TTC21A: variants seen among roughly 807,000 people sequenced by gnomAD.
TTC21A encodes tetratricopeptide repeat protein 21A.
TTC21A carries 128 observed loss-of-function variants against 156.4 expected under a neutral mutation model. That is an observed-to-expected ratio of 0.82 (90% CI 0.71 to 0.95). The LOEUF (loss-of-function observed/expected upper bound fraction) is 0.95, where lower values mean the gene tolerates loss of function less well. Ranked by LOEUF, TTC21A falls within the 40% of genes least tolerant of loss-of-function variation. The pLI, the probability that TTC21A is intolerant of heterozygous loss-of-function variation, is 0.00. For missense variants in TTC21A, 1,435 were observed against 1,602.3 expected (o/e 0.90, Z 1.78); for synonymous variants, 587 against 617.1 (o/e 0.95, Z 0.72).
At position 39,117,414 on chromosome 3, in the gene TTC21A, T is replaced by C. The variant is rs889644633; in HGVS notation, c.717-655T>C. ...GGGAAAGAATCTTTCTATAAAGAAA[T>C]AGAATATTGAAAACCTCATAGTATG... On this transcript the variant is annotated intron_variant, in intron 6 of 28. Transcript: ENST00000683103. Among the ~76,000 whole-genome samples, 3 of 152,278 alleles carry C rather than the reference T, an allele frequency of 2.0e-5. No homozygotes were observed. In the Middle Eastern group the frequency reaches 0.01, roughly 518 times the overall value.
intron 26 of TTC21A, 182 bp downstream of exon 26, chr3:39,137,892 C>T (rs1264047034): frequency 1.6e-5 from 11 of 685,688 alleles, no homozygotes; most frequent in Non-Finnish European, 2.7e-5. Context: ...GGGCGATGGA[C>T]CAGGTGAGAG....
At position 39,138,737 on chromosome 3, in the gene TTC21A, CA is replaced by C. The variant is rs1291612024; in HGVS notation, c.3893del (p.Lys1298ArgfsTer14). The C allele has an allele frequency of 6.2e-7, 1 of 1,614,014 alleles. No homozygotes were observed. Among genetic ancestry groups the C allele is most frequent in the Non-Finnish European group, 8.5e-7 (1 of 1,180,010 alleles). ...TCCTCAGGGAGCACCCCGACTACCC[CA>C]AGATCAGGGAGGAAATTTTGGAAAA... ...DVLREHPDYP[K>X]IREEILEKAR... On this transcript the variant is annotated frameshift_variant, in exon 29 of 29. Coordinates refer to ENST00000683103, the MANE Select transcript of TTC21A (RefSeq NM_001366900.1). LOFTEE classifies it high-confidence loss of function.
Position 39,134,310 on chromosome 3 carries a change from C to T in TTC21A, c.2844C>T (p.Asn948=), listed in dbSNP as rs201576726. 5.0e-6 allele frequency: 8 copies of T among 1,613,454 alleles called. No homozygotes were observed. In the Admixed American group the frequency reaches 1.2e-4, roughly 24 times the overall value. Residue 948 remains asparagine (N), a synonymous_variant, in exon 21 of 29, where the codon AAC becomes AAT. Coordinates refer to ENST00000683103, the MANE Select transcript of TTC21A (RefSeq NM_001366900.1). The surrounding 1 kb of genome is among the most constrained non-coding windows in gnomAD (Gnocchi z 4.6). ...HCAILLQTEQ[N]HETASVLMAD... is the part of the protein sequence containing the mutation. ...CCATCCTCCTGCAGACTGAGCAGAACCATGAGACCGCTTCTGTGGTAGGAA... is the reference window on the plus strand; with the variant it reads ...CCATCCTCCTGCAGACTGAGCAGAATCATGAGACCGCTTCTGTGGTAGGAA...
chr3:39,109,174 T>A lies in TTC21A; in HGVS notation c.117T>A (p.Pro39=). 1.9e-6 allele frequency: 3 copies of A among 1,614,164 alleles called. No homozygotes were observed. Among genetic ancestry groups the A allele is most frequent in the Non-Finnish European group, 2.5e-6 (3 of 1,179,984 alleles). Reference sequence around the variant, plus strand: ...GCCTGGAAAAATTCAGCAATGACCCTGTGTTGAAGTTCTTTAAAGCCTATG... The same window carrying A: ...GCCTGGAAAAATTCAGCAATGACCCAGTGTTGAAGTTCTTTAAAGCCTATG... ...AVGLEKFSND[P]VLKFFKAYGV... The change falls in exon 2 of 29, where the codon CCT becomes CCA. Residue 39 remains proline (P), a synonymous_variant. Coordinates refer to ENST00000683103, the MANE Select transcript of TTC21A (RefSeq NM_001366900.1).
At chr3:39,117,754 C>T (rs942538205) in intron 6 of TTC21A, among the ~76,000 whole-genome samples, 3 of 152,106 alleles carry the variant, frequency 2.0e-5, no homozygotes, top group Admixed American at 1.3e-4. Flanking sequence ...CTCACATGGT[C>T]CACATTCCAT....
At chr3:39,129,647 A>T (rs1293724335) in intron 15 of TTC21A, among the ~76,000 whole-genome samples, 1 of 152,182 alleles carries the variant, frequency 6.6e-6, no homozygotes, top group East Asian at 1.9e-4. Context: ...TGGGACCTCC[A>T]AGGTGCCTTC....
chr3:39,121,302 T>G, intron 9 of TTC21A, 113 bp downstream of exon 9: 1 of 935,362 alleles, frequency 1.1e-6, no homozygotes, highest in Non-Finnish European at 1.6e-6. Context: ...GGTATGTGAA[T>G]TTTGGGGTAC....
chr3:39,118,937 G>A (rs2037512230), intron 7 of TTC21A: 1 of 152,220 alleles, frequency 6.6e-6, no homozygotes, highest in South Asian at 2.1e-4. Flanking sequence ...GGGTGAGGTA[G>A]AGGGGAGAGT....
chr3:39,128,279 T>A, intron 12 of TTC21A, 52 bp from the exon 13 acceptor site: 3 of 1,589,466 alleles, frequency 1.9e-6, no homozygotes, highest in Non-Finnish European at 2.6e-6. Context: ...GCATATCAGG[T>A]CTTAGGAGCC....
In TTC21A at chr3:39,119,958, G is replaced by A; in HGVS notation, c.838G>A (p.Glu280Lys). Residue 280 changes from glutamate to lysine, a missense_variant, in exon 8 of 29, where the codon GAG (glutamate) becomes AAG (lysine). Physicochemically the swap from Glu to Lys is moderately conservative, Grantham distance 56. Coordinates refer to ENST00000683103, the MANE Select transcript of TTC21A (RefSeq NM_001366900.1). Reference protein sequence around the residue: ...NHVRNLIKALETREPENPSLH... With the variant: ...NHVRNLIKALKTREPENPSLH... Reference sequence around the variant, plus strand: ...CGTTAGAAATCTGATTAAGGCACTAGAGACAAGGGAACCCGAAAATCCAAG... The same window carrying A: ...CGTTAGAAATCTGATTAAGGCACTAAAGACAAGGGAACCCGAAAATCCAAG... The A allele has an allele frequency of 1.2e-6, 2 of 1,610,148 alleles. No homozygotes were observed. The highest frequency in any genetic ancestry group is 1.7e-6 in the Non-Finnish European group (2 of 1,176,892).
At position 39,110,099 on chromosome 3, in the gene TTC21A, C is replaced by G. The variant is rs1285409274; in HGVS notation, c.228C>G (p.Thr76=). The part of the protein sequence containing the change: ...RHHPDVSLCS[T]MALIYAHKRC... The stretch of plus-strand genomic sequence containing the variant: ...ACCCAGACGTGTCCCTGTGCTCCAC[C>G]ATGGCCCTCATTTATGCTCACAAAA... The change falls in exon 3 of 29, where the codon ACC becomes ACG. Residue 76 remains threonine, a synonymous_variant. Transcript: ENST00000683103. The G allele has an allele frequency of 1.2e-6, 2 of 1,614,142 alleles. No individual in the cohort carries two copies. The highest frequency in any genetic ancestry group is 3.3e-5 in the Admixed American group (2 of 60,026).
At chr3:39,122,095 G>A (rs2037815890) in intron 9 of TTC21A, among the ~76,000 whole-genome samples, 1 of 152,178 alleles carries the variant, frequency 6.6e-6, no homozygotes, top group Non-Finnish European at 1.5e-5. Flanking sequence ...GGTCATTTGA[G>A]GTCAGGAATT....
chr3:39,108,181 C>T (rs2036408255), intron 1 of TTC21A: 1 of 555,038 alleles, frequency 1.8e-6, no homozygotes, highest in Non-Finnish European at 3.2e-6. Context: ...CAGTTGATGG[C>T]TTCACCATTT....
At chr3:39,126,426 G>A (rs1257101355) in intron 12 of TTC21A, 36 bp downstream of exon 12, 1 of 1,605,176 alleles carries the variant, frequency 6.2e-7, no homozygotes. Flanking sequence ...GTGGGGCCTT[G>A]CAAACACCTG....
intron 5 of TTC21A, among the ~76,000 whole-genome samples, chr3:39,114,242 A>G (rs1202928940): frequency 1.3e-5 from 2 of 152,242 alleles, no homozygotes; most frequent in Non-Finnish European, 2.9e-5. Flanking sequence ...TGGAAAATGT[A>G]TGGAACTGGA....
In TTC21A at chr3:39,138,604, C is replaced by G. The variant is rs2039318052; in HGVS notation, c.3845C>G (p.Ala1282Gly). Residue 1282 changes from alanine to glycine, a missense_variant, in exon 28 of 29, where the codon GCC becomes GGC. Ala to Gly is a moderately conservative substitution (Grantham distance 60). Transcript: ENST00000683103. ...NYLKDKKFVE[A>G]IEICNDVLRE... ...CTGAAGGACAAGAAATTTGTGGAGG[C>G]CATTGAAATCTGCAACGATGTAAGC... The G allele has an allele frequency of 3.7e-6, 6 of 1,614,064 alleles. No homozygotes were observed. The highest frequency in any genetic ancestry group is 5.1e-6 in the Non-Finnish European group (6 of 1,180,032).
In TTC21A at chr3:39,137,501, G is replaced by A. The variant is rs2039220759; in HGVS notation, c.3466G>A (p.Ala1156Thr). The A allele has an allele frequency of 7.4e-6, 12 of 1,614,248 alleles. No homozygotes were observed. In the East Asian group the frequency reaches 2.7e-4, roughly 36 times the overall value. ...IAQAEKDSVPALLALAQAYVF... is the reference protein window; with the variant it reads ...IAQAEKDSVPTLLALAQAYVF... ...TGGTGTGTAGAAGGACAGCGTCCCT[G>A]CCCTGCTGGCCTTGGCACAAGCCTA... Residue 1156 changes from alanine to threonine, a missense_variant, in exon 26 of 29, where the codon GCC (alanine) becomes ACC (threonine). By Grantham distance (58) the Ala-to-Thr change is moderately conservative. Transcript: ENST00000683103.
At position 39,110,152 on chromosome 3, in the gene TTC21A, A is replaced by G; in HGVS notation, c.268+13A>G. ...TGTGAAATCATTGGTGAGTGCCACC[A>G]TGCTCAACCAGGCCTGACCCACCAG... is the stretch of plus-strand genomic sequence containing the variant. On this transcript the variant is annotated intron_variant, in intron 3 of 28. Coordinates refer to ENST00000683103, the MANE Select transcript of TTC21A (RefSeq NM_001366900.1). The G allele has an allele frequency of 6.3e-7, 1 of 1,597,840 alleles. No homozygotes were observed. The highest frequency in any genetic ancestry group is 8.6e-7 in the Non-Finnish European group (1 of 1,165,714).
Position 39,134,331 on chromosome 3 carries a change from A to C in TTC21A, c.2862+3A>C, listed in dbSNP as rs1447971586. On this transcript the variant is annotated splice_donor_region_variant and intron_variant, in intron 21 of 28. Coordinates refer to ENST00000683103, the MANE Select transcript of TTC21A (RefSeq NM_001366900.1). This position sits in a 1 kb window ranked among gnomAD's most constrained non-coding sequence, Gnocchi z 4.6. ...AGAACCATGAGACCGCTTCTGTGGT[A>C]GGAAGCCCCCAGCACCCACTCCCTC... 1 of 1,603,902 alleles carries C rather than the reference A, an allele frequency of 6.2e-7. No homozygotes were observed. Among genetic ancestry groups the C allele is most frequent in the Non-Finnish European group, 8.5e-7 (1 of 1,170,722 alleles).
Sources: gnomAD v4.1 joint callset for allele counts (sites outside exome capture counted in the v4.1 genomes callset) on GRCh38, gnomAD v4.1.1 for gene constraint, Gnocchi (gnomAD v3.1) non-coding constraint, MANE v1.5 for transcripts, NCBI Gene and HGNC (gene_info 2026-07-23, HGNC 2026-07-21) for gene names.